CTNNA2: variants seen among roughly 807,000 people sequenced by gnomAD.
The protein encoded by CTNNA2 is catenin alpha 2, also known as catenin alpha-2.
A neutral mutation model predicts 101.0 loss-of-function variants in CTNNA2; 42 were observed. The ratio of observed to expected loss-of-function variants is 0.42; its 90% confidence interval spans 0.32 to 0.54. CTNNA2 has a LOEUF of 0.54. Among genes scored for constraint, CTNNA2 ranks in the 20% least tolerant of loss-of-function variants. The probability of loss-of-function intolerance (pLI) is 0.14; values close to 1 mark genes in which losing one functional copy is unlikely to be tolerated. For synonymous variants in CTNNA2, 450 were observed against 456.4 expected (o/e 0.99, Z 0.18); for missense variants, 871 against 1,223.1 (o/e 0.71, Z 4.29).
intron 7 of CTNNA2, among the ~76,000 whole-genome samples, chr2:79,920,283 A>T (rs1220885215): frequency 6.6e-6 from 1 of 152,204 alleles, no homozygotes; most frequent in Non-Finnish European, 1.5e-5. Flanking sequence ...TTCTCCTCCC[A>T]CCAAGTTTCA....
intron 2 of CTNNA2, among the ~76,000 whole-genome samples, chr2:79,215,291 A>G (rs530066910): frequency 4.6e-5 from 7 of 152,226 alleles, no homozygotes; most frequent in South Asian, 2.1e-4. Context: ...AGCTCCTGGG[A>G]GAGGCGGGCC....
At chr2:79,794,530 A>G (rs1675544071) in intron 3 of CTNNA2, among the ~76,000 whole-genome samples, 2 of 152,164 alleles carry the variant, frequency 1.3e-5, no homozygotes, top group Non-Finnish European at 2.9e-5. Context: ...TCACCTTCCA[A>G]AGTTTCCTCC....
intron 9 of CTNNA2, among the ~76,000 whole-genome samples, chr2:80,430,315 A>G (rs1429883998): frequency 2.0e-5 from 3 of 152,188 alleles, no homozygotes; most frequent in South Asian, 2.1e-4. Context: ...GCTAGATACC[A>G]TGGTAATGTT....
intron 3 of CTNNA2, among the ~76,000 whole-genome samples, chr2:79,821,017 C>G (rs1677957910): frequency 6.6e-6 from 1 of 152,078 alleles, no homozygotes; most frequent in Non-Finnish European, 1.5e-5. Flanking sequence ...ACTAATATAA[C>G]ATAAACAAAA....
intron 7 of CTNNA2, among the ~76,000 whole-genome samples, chr2:80,218,778 A>T (rs888918137): frequency 6.6e-6 from 1 of 152,166 alleles, no homozygotes. Flanking sequence ...TATGCATTCA[A>T]CTTTCTCCCC....
intron 3 of CTNNA2, among the ~76,000 whole-genome samples, chr2:79,322,699 C>T (rs1256179468): frequency 6.6e-6 from 1 of 152,156 alleles, no homozygotes; most frequent in Non-Finnish European, 1.5e-5. Flanking sequence ...ATTCAATTCT[C>T]ATGGTCCCTT....
chr2:79,247,519 G>C (rs1169810347), intron 2 of CTNNA2, among the ~76,000 whole-genome samples: 2 of 152,070 alleles, frequency 1.3e-5, no homozygotes, highest in African/African-American at 4.8e-5. Context: ...TCTGTGTCCT[G>C]ATTATTTTTT....
chr2:79,957,868 T>C (rs946762376), intron 7 of CTNNA2, among the ~76,000 whole-genome samples: 1 of 152,254 alleles, frequency 6.6e-6, no homozygotes, highest in Non-Finnish European at 1.5e-5. Flanking sequence ...CTCATACTTA[T>C]TATCTTAAAC....
At chr2:80,316,260 G>T (rs927616287) in intron 7 of CTNNA2, among the ~76,000 whole-genome samples, 4 of 151,910 alleles carry the variant, frequency 2.6e-5, no homozygotes, top group African/African-American at 7.3e-5. Flanking sequence ...AATGGAAATT[G>T]AAAAATTAAG....
intron 4 of CTNNA2, among the ~76,000 whole-genome samples, chr2:79,386,644 T>C (rs777292142): frequency 6.6e-6 from 1 of 152,212 alleles, no homozygotes; most frequent in African/African-American, 2.4e-5. Context: ...ATTCTCACAT[T>C]TGGTCTTTTC....
At chr2:80,114,433 A>AT (rs1701399300) in intron 7 of CTNNA2, among the ~76,000 whole-genome samples, 1 of 152,108 alleles carries the variant, frequency 6.6e-6, no homozygotes, top group Non-Finnish European at 1.5e-5. Flanking sequence ...CAGATGGTAG[A>AT]TTTTCTCTGC....
intron 18 of CTNNA2, among the ~76,000 whole-genome samples, chr2:80,620,127 A>C (rs1339079141): frequency 6.6e-6 from 1 of 151,828 alleles, no homozygotes; most frequent in Non-Finnish European, 1.5e-5. Context: ...TCAAAGCACT[A>C]GGGTGGGTGT....
chr2:79,611,273 A>T (rs1353140547), intron 1 of CTNNA2, among the ~76,000 whole-genome samples: 17 of 152,092 alleles, frequency 1.1e-4, no homozygotes, highest in Admixed American at 9.2e-4. Flanking sequence ...ATATCTTTTT[A>T]ATCTTGAGGG....
intron 2 of CTNNA2, among the ~76,000 whole-genome samples, chr2:79,242,469 C>T (rs999295797): frequency 3.3e-5 from 5 of 152,018 alleles, no homozygotes; most frequent in Admixed American, 6.6e-5. Context: ...TCTAACTTTG[C>T]GGTTTGTGTA....
chr2:79,785,685 C>A (rs1407682537), intron 3 of CTNNA2, among the ~76,000 whole-genome samples: 3 of 151,994 alleles, frequency 2.0e-5, no homozygotes, highest in African/African-American at 7.2e-5. Flanking sequence ...TGGTGCCTTC[C>A]TTTTTGTATT....
At chr2:79,411,274 G>T (rs866517052) in intron 4 of CTNNA2, among the ~76,000 whole-genome samples, 1 of 151,580 alleles carries the variant, frequency 6.6e-6, no homozygotes, top group African/African-American at 2.4e-5. Context: ...TTAATTTTTT[G>T]AAGGGTTTTT....
intron 18 of CTNNA2, among the ~76,000 whole-genome samples, chr2:80,647,171 T>C (rs1162944581): frequency 6.6e-6 from 1 of 152,028 alleles, no homozygotes; most frequent in Non-Finnish European, 1.5e-5. Flanking sequence ...AATGACTGTA[T>C]CCTCACCAAC....
chr2:79,246,118 G>C lies in CTNNA2; in HGVS notation c.-406+48042G>C, dbSNP rs559453186. 1.6e-4 allele frequency among the ~76,000 whole-genome samples: 25 copies of C among 152,316 alleles called. No homozygotes were observed. In the East Asian group the frequency reaches 4.4e-3, roughly 27 times the overall value. On this transcript the variant is annotated intron_variant, in intron 2 of 21. Coordinates refer to the CTNNA2 transcript ENST00000466387. ...GTCTGATTTTGTGGAAAGAGCTCAA[G>C]ATTGGGAAATATGAATCTAGGGTCC...
At chr2:79,836,680 C>T (rs1679389636) in intron 3 of CTNNA2, among the ~76,000 whole-genome samples, 1 of 152,174 alleles carries the variant, frequency 6.6e-6, no homozygotes, top group South Asian at 2.1e-4. Context: ...TTTGGTGTGC[C>T]TTGACTTATA....
Sources: allele counts gnomAD v4.1 joint callset (sites outside exome capture counted in the v4.1 genomes callset), GRCh38; gene constraint gnomAD v4.1.1; transcripts MANE v1.5; gene names NCBI Gene and HGNC (gene_info 2026-07-23, HGNC 2026-07-21).